TBC1D14: variants seen among roughly 807,000 people sequenced by gnomAD.
The protein encoded by TBC1D14 is TBC1 domain family member 14.
TBC1D14 carries 26 observed loss-of-function variants against 79.0 expected under a neutral mutation model. The ratio of observed to expected loss-of-function variants is 0.33; its 90% CI spans 0.24 to 0.46. TBC1D14 has a LOEUF of 0.46. Among genes scored for constraint, TBC1D14 ranks in the 20% least tolerant of loss-of-function variants. The probability of loss-of-function intolerance (pLI) is 1.00; values close to 1 mark genes in which losing one functional copy is unlikely to be tolerated. For missense variants in TBC1D14, 769 were observed against 887.6 expected (o/e 0.87, Z 1.70); for synonymous variants, 394 against 349.9 (o/e 1.13, Z -1.40).
intron 2 of TBC1D14, among the ~76,000 whole-genome samples, chr4:6,944,449 C>T (rs772332627): frequency 3.3e-4 from 50 of 152,160 alleles, no homozygotes; most frequent in Non-Finnish European, 5.6e-4. Context: ...TCCTTAGGAC[C>T]GAGTTCCTGG....
intron 12 of TBC1D14, among the ~76,000 whole-genome samples, chr4:7,023,124 G>T (rs1420537019): frequency 6.6e-6 from 1 of 152,050 alleles, no homozygotes; most frequent in African/African-American, 2.4e-5. Context: ...CATGGTCGTG[G>T]ACGCCTGTAA....
chr4:6,972,338 C>T (rs998087668), intron 3 of TBC1D14, among the ~76,000 whole-genome samples: 4 of 152,178 alleles, frequency 2.6e-5, no homozygotes, highest in African/African-American at 7.2e-5. Flanking sequence ...TCTGAGGTCA[C>T]CTGTTTCAAG....
intron 3 of TBC1D14, among the ~76,000 whole-genome samples, chr4:6,989,967 T>A (rs1718320740): frequency 6.6e-6 from 1 of 152,234 alleles, no homozygotes; most frequent in Middle Eastern, 3.2e-3. Flanking sequence ...ACTGACAGCC[T>A]GCAAACTTTT....
At chr4:6,988,890 T>TTC (rs1211775910) in intron 3 of TBC1D14, among the ~76,000 whole-genome samples, 3 of 118,444 alleles carry the variant, frequency 2.5e-5, no homozygotes, top group African/African-American at 6.9e-5. Flanking sequence ...TCTTTCTTTT[T>TTC]TTTTTTTTTT....
Position 7,025,260 on chromosome 4 carries a change from C to G in TBC1D14, c.2014C>G (p.Gln672Glu), listed in dbSNP as rs759221920. 1.9e-6 allele frequency: 3 copies of G among 1,614,094 alleles called. No individual in the cohort carries two copies. In the Admixed American group the frequency reaches 5.0e-5, roughly 27 times the overall value. ...QMQSRNKKWA[Q>E]VLTALQKDSR... ...GCAGAGCCGAAACAAGAAGTGGGCT[C>G]AGGTCAGCGGGCTTTGTGTTCTTGG... The change falls in exon 13 of 14, where the codon CAG (glutamine) becomes GAG (glutamate). Residue 672 changes from glutamine to glutamate, a missense_variant and splice_region_variant. This residue lies in a region of TBC1D14 where 367 missense variants were observed against 494.4 expected (regional missense o/e 0.74). Transcript: ENST00000409757.
At chr4:6,983,774 T>A (rs1293898101) in intron 3 of TBC1D14, among the ~76,000 whole-genome samples, 1 of 152,262 alleles carries the variant, frequency 6.6e-6, no homozygotes, top group Non-Finnish European at 1.5e-5. Flanking sequence ...TTTAGTCTTC[T>A]ATTATCCTGG....
intron 1 of TBC1D14, among the ~76,000 whole-genome samples, chr4:6,922,530 C>G (rs1272388540): frequency 6.6e-6 from 1 of 152,150 alleles, no homozygotes; most frequent in Admixed American, 6.6e-5. Context: ...TACACCCAGC[C>G]TCGTAGATGT....
At chr4:6,952,582 C>A (rs1162778448) in intron 2 of TBC1D14, among the ~76,000 whole-genome samples, 1 of 152,250 alleles carries the variant, frequency 6.6e-6, no homozygotes, top group African/African-American at 2.4e-5. Flanking sequence ...GTGCAGACAT[C>A]TATGAAATAA....
intron 4 of TBC1D14, among the ~76,000 whole-genome samples, chr4:6,994,622 T>C (rs1372560732): frequency 6.6e-6 from 1 of 152,074 alleles, no homozygotes; most frequent in Non-Finnish European, 1.5e-5. Context: ...GCCGAGGCGG[T>C]GGATCACTTG....
rs554489915 is a variant in TBC1D14 at position 6,923,732 on chromosome 4, C to G, written c.343C>G (p.Pro115Ala). 1.2e-5 allele frequency: 19 copies of G among 1,613,928 alleles called. No individual in the cohort carries two copies. In the South Asian group the frequency reaches 1.9e-4, roughly 16 times the overall value. ...GCTGCCATCCTGTGCGCCACCAGCTCCTAGCAGCACCGAGCGGGAACAGAG... is the reference window on the plus strand; with the variant it reads ...GCTGCCATCCTGTGCGCCACCAGCTGCTAGCAGCACCGAGCGGGAACAGAG... ...CALPSCAPPA[P>A]SSTEREQSVR... is the part of the protein sequence containing the mutation. Residue 115 changes from proline (P) to alanine (A), a missense_variant, in exon 2 of 14, where the codon CCT (proline) becomes GCT (alanine). Pro to Ala is a conservative substitution (Grantham distance 27). Transcript: ENST00000409757.
intron 3 of TBC1D14, among the ~76,000 whole-genome samples, chr4:6,977,323 G>C (rs1716839958): frequency 1.4e-5 from 2 of 147,758 alleles, no homozygotes; most frequent in South Asian, 4.5e-4. Flanking sequence ...GGGTTTCGCT[G>C]TGTTGGCCGG....
At chr4:6,965,422 G>T (rs1009283136) in intron 2 of TBC1D14, among the ~76,000 whole-genome samples, 1 of 152,114 alleles carries the variant, frequency 6.6e-6, no homozygotes, top group Non-Finnish European at 1.5e-5. Context: ...TGTATAAATT[G>T]TCTCAGTCTG....
intron 2 of TBC1D14, among the ~76,000 whole-genome samples, 179 bp downstream of exon 2, chr4:6,924,290 G>A (rs1453874756): frequency 1.0e-5 from 1 of 98,642 alleles, no homozygotes; most frequent in African/African-American, 3.2e-5. Flanking sequence ...CTGGTCTGTT[G>A]GGGATTCTGT....
At chr4:6,911,072 C>G (rs964066354) in intron 1 of TBC1D14, among the ~76,000 whole-genome samples, 1 of 152,190 alleles carries the variant, frequency 6.6e-6, no homozygotes, top group African/African-American at 2.4e-5. Flanking sequence ...CTGGACCGGG[C>G]TAGTCCTTAC....
At chr4:6,959,719 A>G (rs1163457633) in intron 2 of TBC1D14, among the ~76,000 whole-genome samples, 1 of 152,164 alleles carries the variant, frequency 6.6e-6, no homozygotes, top group Non-Finnish European at 1.5e-5. Flanking sequence ...TGTCTCTTCC[A>G]AAGGCCTTGT....
intron 12 of TBC1D14, among the ~76,000 whole-genome samples, chr4:7,021,503 AG>A (rs1721831286): frequency 6.6e-6 from 1 of 152,146 alleles, no homozygotes; most frequent in African/African-American, 2.4e-5. Flanking sequence ...AGGCTGAGCT[AG>A]GAGGGTCACC....
chr4:6,912,958 G>T (rs1313620850), intron 1 of TBC1D14, among the ~76,000 whole-genome samples: 1 of 152,144 alleles, frequency 6.6e-6, no homozygotes, highest in Non-Finnish European at 1.5e-5. Context: ...TTTCCCTCCT[G>T]TTGATTTTGT....
Position 6,980,152 on chromosome 4 carries a change from G to A in TBC1D14, c.843+12728G>A, listed in dbSNP as rs1410334077. On this transcript the variant is annotated intron_variant, in intron 3 of 13. Coordinates refer to ENST00000409757, the MANE Select transcript of TBC1D14 (RefSeq NM_020773.3). The stretch of plus-strand genomic sequence containing the variant: ...TTCACCAAGACAGACCATATTCTGG[G>A]ATATAAGAGAAGCTTAAAAATTTCA... 2.6e-5 allele frequency among the ~76,000 whole-genome samples: 4 copies of A among 152,178 alleles called. No individual in the cohort carries two copies. In the South Asian group the frequency reaches 8.3e-4, roughly 32 times the overall value.
At chr4:6,985,980 A>G (rs1181907638) in intron 3 of TBC1D14, among the ~76,000 whole-genome samples, 1 of 152,220 alleles carries the variant, frequency 6.6e-6, no homozygotes, top group Non-Finnish European at 1.5e-5. Flanking sequence ...ATTGCAATCT[A>G]GTTTCAAAAT....
Sources: allele counts gnomAD v4.1 joint callset (sites outside exome capture counted in the v4.1 genomes callset), GRCh38; gene constraint gnomAD v4.1.1; regional missense constraint gnomAD v4.1.1; transcripts MANE v1.5; gene names NCBI Gene and HGNC (gene_info 2026-07-23, HGNC 2026-07-21).